ABCA8: variants seen among roughly 807,000 people sequenced by gnomAD.
ABCA8 encodes ATP binding cassette subfamily A member 8.
In ABCA8, 177 loss-of-function variants were observed where a neutral mutation model predicts 192.3. The ratio of observed to expected loss-of-function variants is 0.92; its 90% CI spans 0.81 to 1.04. The LOEUF (loss-of-function observed/expected upper bound fraction) is 1.04. ABCA8 is among the 50% of genes least tolerant of loss of function. ABCA8 has a pLI of 0.00. For missense variants in ABCA8, 1,915 were observed against 1,904.8 expected (o/e 1.01, Z -0.10); for synonymous variants, 642 against 690.2 (o/e 0.93, Z 1.09).
intron 1 of ABCA8, among the ~76,000 whole-genome samples, chr17:68,954,694 C>T (rs976379718): frequency 5.9e-5 from 9 of 152,066 alleles, no homozygotes; most frequent in African/African-American, 1.9e-4. Context: ...GTAAAAGATC[C>T]TAGAAAGAAT....
chr17:68,934,119 A>C (rs2067986936), intron 5 of ABCA8, among the ~76,000 whole-genome samples: 1 of 152,158 alleles, frequency 6.6e-6, no homozygotes, highest in Non-Finnish European at 1.5e-5. Flanking sequence ...TCTACTAATA[A>C]TTACTATGAA....
intron 23 of ABCA8, among the ~76,000 whole-genome samples, chr17:68,892,951 A>G (rs1255484858): frequency 1.3e-5 from 2 of 152,130 alleles, no homozygotes; most frequent in East Asian, 3.9e-4. Context: ...TCGAGGTTAC[A>G]GTGAGCTATG....
At chr17:68,916,928 G>T (rs1462748277) in intron 17 of ABCA8, among the ~76,000 whole-genome samples, 2 of 152,090 alleles carry the variant, frequency 1.3e-5, no homozygotes, top group Non-Finnish European at 1.5e-5. Context: ...TACTAACTAG[G>T]TAGACACAAA....
In ABCA8 at chr17:68,875,182, T is replaced by C; in HGVS notation, c.4631+78A>G. On this transcript the variant is annotated intron_variant, in intron 37 of 39. Coordinates refer to ENST00000586539, the MANE Select transcript of ABCA8 (RefSeq NM_001288985.2). ...ATCTCTTTCTTTTAGGTTTTCCTTT[T>C]GAATGACTATCACTCAACATAACTG... The C allele has an allele frequency of 2.6e-6, 4 of 1,566,406 alleles. No homozygotes were observed. In the South Asian group the frequency reaches 4.6e-5, roughly 18 times the overall value.
In ABCA8 at chr17:68,867,997, A is replaced by G; in HGVS notation, c.*88T>C. On this transcript the variant is annotated 3_prime_UTR_variant, in exon 40 of 40. Transcript: ENST00000586539. The stretch of plus-strand genomic sequence containing the variant: ...AGAACCATTTCTGTACTTATAATAT[A>G]GTTTCTAAAAATAGAACATTGCTGC... 1 of 987,362 alleles carries G rather than the reference A, an allele frequency of 1.0e-6. No homozygotes were observed. The highest frequency in any genetic ancestry group is 1.5e-6 in the Non-Finnish European group (1 of 674,920). The allele number at this position is 987,362 out of a possible 1,614,324, so 61.2% of individuals were successfully genotyped here. A position where few individuals can be genotyped will look rare whatever the true frequency, so the allele number is the denominator to read the frequency against.
At chr17:68,917,685 G>A in intron 16 of ABCA8, among the ~76,000 whole-genome samples, 1 of 152,180 alleles carries the variant, frequency 6.6e-6, no homozygotes, top group Middle Eastern at 3.4e-3. Flanking sequence ...TTCTAATATA[G>A]AAAATTATCC....
rs78603639 is a variant in ABCA8 at position 68,875,939 on chromosome 17, G to A, written c.4371-206C>T. Among the ~76,000 whole-genome samples, 720 of 152,286 alleles carry A rather than the reference G, an allele frequency of 4.7e-3. 8 individuals are homozygous for A. Among genetic ancestry groups the A allele is most frequent in the African/African-American group, 0.015 (629 of 41,558 alleles). ...TGGAATCATGCATTGGAAGAGGGGC[G>A]TTTACAGAACACAACATTCATTATA... On this transcript the variant is annotated intron_variant, in intron 35 of 39. Coordinates refer to ENST00000586539, the MANE Select transcript of ABCA8 (RefSeq NM_001288985.2).
Position 68,929,127 on chromosome 17 carries a change from C to T in ABCA8, c.1047G>A (p.Leu349=). The T allele has an allele frequency of 6.2e-7, 1 of 1,611,728 alleles. No individual in the cohort carries two copies. The highest frequency in any genetic ancestry group is 8.5e-7 in the Non-Finnish European group (1 of 1,178,604). ...CCAAGGATGCAGGAAGGTGTCTGTA[C>T]AGTGATGTGAACCCCAGACACCCCC... is the stretch of plus-strand genomic sequence containing the variant. ...VFWGCLGFTS[L]YRHLPASLEW... Residue 349 remains leucine (L), a synonymous_variant, in exon 9 of 40, where the codon CTG becomes CTA. Coordinates refer to ENST00000586539, the MANE Select transcript of ABCA8 (RefSeq NM_001288985.2).
intron 2 of ABCA8, chr17:68,944,480 A>G (rs2068340586): frequency 6.6e-6 from 1 of 151,186 alleles, no homozygotes; most frequent in African/African-American, 2.4e-5. Flanking sequence ...ACCTTGGTAG[A>G]AGGACAGGAA....
intron 23 of ABCA8, among the ~76,000 whole-genome samples, chr17:68,892,916 C>A (rs76810453): frequency 6.6e-6 from 1 of 152,052 alleles, no homozygotes; most frequent in Non-Finnish European, 1.5e-5. Context: ...AGGCCAACAT[C>A]GGAAGATCTC....
intron 19 of ABCA8, among the ~76,000 whole-genome samples, chr17:68,904,766 A>G (rs1293626984): frequency 6.6e-6 from 1 of 152,160 alleles, no homozygotes; most frequent in Non-Finnish European, 1.5e-5. Context: ...ACGGAGAGAG[A>G]AACACAAGAA....
chr17:68,910,517 AC>A (rs2067206395), intron 17 of ABCA8, among the ~76,000 whole-genome samples: 2 of 152,168 alleles, frequency 1.3e-5, no homozygotes, highest in African/African-American at 4.8e-5. Flanking sequence ...GACCACAGGG[AC>A]TGAAATTCCT....
chr17:68,870,059 G>T (rs1478020822), intron 37 of ABCA8, among the ~76,000 whole-genome samples: 1 of 152,094 alleles, frequency 6.6e-6, no homozygotes, highest in African/African-American at 2.4e-5. Context: ...TTTCCCAGCT[G>T]GTTTGAACCC....
chr17:68,921,810 G>T (rs531848670), intron 12 of ABCA8, among the ~76,000 whole-genome samples: 121 of 152,022 alleles, frequency 8.0e-4, no homozygotes, highest in Non-Finnish European at 1.3e-3. Context: ...TTAAATGGAA[G>T]AATAGATTAA....
At position 68,884,386 on chromosome 17, in the gene ABCA8, GA is replaced by G. The variant is rs1313936015; in HGVS notation, c.3559del (p.Ser1187LeufsTer18). ...CATTCGTTCTTCAGAAAAGAGAGAA[GA>G]AAAGAGAAGCTGCAAAAGAAAAGAC... ...CLFLSSHLLFSSLFSEERMDV... is the reference protein window; with the variant it reads ...CLFLSSHLLFXSLFSEERMDV... On this transcript the variant is annotated frameshift_variant, in exon 28 of 40. Transcript: ENST00000586539. LOFTEE classifies it high-confidence loss of function. The G allele has an allele frequency of 1.3e-6, 2 of 1,587,460 alleles. No individual in the cohort carries two copies. Among genetic ancestry groups the G allele is most frequent in the Admixed American group, 3.7e-5 (2 of 53,540 alleles).
intron 17 of ABCA8, among the ~76,000 whole-genome samples, chr17:68,909,158 G>A (rs771111130): frequency 5.3e-5 from 8 of 152,236 alleles, no homozygotes; most frequent in Middle Eastern, 3.4e-3. Flanking sequence ...GTGCTGGGGC[G>A]GAATGAATGA....
rs1262775308 is a variant in ABCA8, at chr17:68,882,723, G to A, written c.3708-4C>T. 2.5e-6 allele frequency: 4 copies of A among 1,606,358 alleles called. No homozygotes were observed. The highest frequency in any genetic ancestry group is 3.4e-5 in the Admixed American group (2 of 58,106). ...ATCACTACTTCTTGGAGAAATTCTAGAGTCAAAACCATCCATTAATATTGA... is the reference window on the plus strand; with the variant it reads ...ATCACTACTTCTTGGAGAAATTCTAAAGTCAAAACCATCCATTAATATTGA... On this transcript the variant is annotated splice_polypyrimidine_tract_variant and splice_region_variant and intron_variant, in intron 29 of 39. Transcript: ENST00000586539.
chr17:68,934,251 T>C (rs2067991238), intron 5 of ABCA8, among the ~76,000 whole-genome samples: 1 of 152,190 alleles, frequency 6.6e-6, no homozygotes, highest in Admixed American at 6.5e-5. Flanking sequence ...TATTTATCCA[T>C]TCTCCTGTTG....
chr17:68,882,037 A>G, intron 30 of ABCA8, 57 bp from the exon 31 acceptor site: 1 of 1,449,206 alleles, frequency 6.9e-7, no homozygotes, highest in East Asian at 2.3e-5. Flanking sequence ...TAGCTTTGAA[A>G]CAAAATTCCA....
Sources: gnomAD v4.1 joint callset for allele counts (sites outside exome capture counted in the v4.1 genomes callset) on GRCh38, gnomAD v4.1.1 for gene constraint, MANE v1.5 for transcripts, NCBI Gene and HGNC (gene_info 2026-07-23, HGNC 2026-07-21) for gene names.